Variants in BRD4 observed in about 807,000 individuals in gnomAD.
BRD4 encodes the protein bromodomain-containing protein 4.
A neutral mutation model predicts 142.1 loss-of-function variants in BRD4; 16 were observed. The ratio of observed to expected loss-of-function variants is 0.11; its 90% CI spans 0.08 to 0.17. BRD4 has a LOEUF of 0.17. BRD4 is among the 10% of genes least tolerant of loss of function. BRD4 has a pLI of 1.00. For missense variants in BRD4, 1,424 were observed against 1,810.9 expected, an observed-to-expected ratio of 0.79 and a Z score of 3.88; for synonymous variants, 833 against 707.5, an observed-to-expected ratio of 1.18 and a Z score of -2.82.
In BRD4 at chr19:15,253,454, C is replaced by G. The variant is rs1289598355; in HGVS notation, c.2158+698G>C. ...AGAAGGTGGGCTCTAATGGGGAACC[C>G]AGGGTCCAACGTGCAGACCCACGGG... On this transcript the variant is annotated intron_variant, in intron 11 of 19. Transcript: ENST00000679869. 5.0e-6 allele frequency: 6 copies of G among 1,189,288 alleles called. No individual in the cohort carries two copies. In the South Asian group the frequency reaches 8.3e-5, roughly 17 times the overall value. The allele number at this position is 1,189,288 out of a possible 1,614,324, so 73.7% of individuals were successfully genotyped here.
intron 1 of BRD4, among the ~76,000 whole-genome samples, chr19:15,316,387 C>T (rs1007839386): frequency 9.9e-5 from 15 of 151,836 alleles, no homozygotes; most frequent in Admixed American, 8.5e-4. Flanking sequence ...ATCAGGAGTT[C>T]GAGACCAGCC....
chr19:15,301,419 G>C (rs1345848440), intron 1 of BRD4, among the ~76,000 whole-genome samples: 2 of 151,950 alleles, frequency 1.3e-5, no homozygotes, highest in Admixed American at 6.6e-5. Flanking sequence ...AAATTAGTCG[G>C]GCATGGTGGT....
intron 9 of BRD4, 34 bp downstream of exon 9, chr19:15,256,030 G>A: frequency 6.2e-7 from 1 of 1,608,080 alleles, no homozygotes; most frequent in Non-Finnish European, 8.5e-7. Flanking sequence ...TGGAAGGAGG[G>A]TCCCCACCCA....
chr19:15,280,867 T>C (rs954866517), intron 1 of BRD4, among the ~76,000 whole-genome samples: 1 of 152,372 alleles, frequency 6.6e-6, no homozygotes. Flanking sequence ...GGTAAAAACC[T>C]GGTAATTTCT....
chr19:15,330,158 C>G (rs1380814845), intron 1 of BRD4, among the ~76,000 whole-genome samples: 5 of 152,316 alleles, frequency 3.3e-5, no homozygotes, highest in African/African-American at 1.2e-4. Context: ...GCAAGATACT[C>G]GGAGGTGGAC....
At chr19:15,253,948 C>G (rs1041542598) in intron 11 of BRD4, 1 of 716,884 alleles carries the variant, frequency 1.4e-6, no homozygotes, top group African/African-American at 1.8e-5. Context: ...ACGGCCAGGC[C>G]GAGAGAATGG....
At chr19:15,261,828 TGA>T (rs1328785742) in intron 7 of BRD4, among the ~76,000 whole-genome samples, 1 of 152,120 alleles carries the variant, frequency 6.6e-6, no homozygotes, top group African/African-American at 2.4e-5. Context: ...CTGTCCTACC[TGA>T]GAGGCTCAAT....
intron 11 of BRD4, chr19:15,253,057 G>A (rs746779176): frequency 1.9e-4 from 47 of 242,058 alleles, no homozygotes; most frequent in Non-Finnish European, 3.1e-4. Context: ...GCCCGTGGGA[G>A]AACATGCAGG....
At chr19:15,282,729 C>T (rs553574942) in intron 1 of BRD4, among the ~76,000 whole-genome samples, 2 of 152,322 alleles carry the variant, frequency 1.3e-5, no homozygotes, top group African/African-American at 4.8e-5. Flanking sequence ...TCTCCTTTAC[C>T]TGTCTTCACT....
intron 7 of BRD4, among the ~76,000 whole-genome samples, chr19:15,261,580 TGAA>T (rs754923288): frequency 1.4e-4 from 21 of 152,194 alleles, no homozygotes; most frequent in Non-Finnish European, 2.5e-4. Context: ...ATGTTGTTTG[TGAA>T]GAAGGCACAC....
At chr19:15,261,940 A>G (rs533990049) in intron 7 of BRD4, among the ~76,000 whole-genome samples, 31 of 152,368 alleles carry the variant, frequency 2.0e-4, no homozygotes, top group African/African-American at 7.5e-4. Context: ...AAGCCTGAGC[A>G]TGCATTTAAA....
At chr19:15,329,632 G>C (rs928560324) in intron 1 of BRD4, among the ~76,000 whole-genome samples, 5 of 152,188 alleles carry the variant, frequency 3.3e-5, no homozygotes, top group South Asian at 2.1e-4. Context: ...CCAGCTACTC[G>C]GGAGGCTGAG....
Position 15,270,439 on chromosome 19 carries a change from G to A in BRD4, c.286-1397C>T, listed in dbSNP as rs144936361. 1.1e-4 allele frequency among the ~76,000 whole-genome samples: 17 copies of A among 152,264 alleles called. No homozygotes were observed. The East Asian group carries it at 2.9e-3, about 26-fold the overall frequency. ...GAGGGGAGACTGGAAGCAGACTATC[G>A]GTGCCACTTTCTATGCTCTGACCTC... On this transcript the variant is annotated intron_variant, in intron 2 of 19. Coordinates refer to ENST00000679869, the MANE Select transcript of BRD4 (RefSeq NM_001379291.1).
chr19:15,295,270 C>A (rs1171339083), intron 1 of BRD4, among the ~76,000 whole-genome samples: 1 of 152,196 alleles, frequency 6.6e-6, no homozygotes, highest in Admixed American at 6.5e-5. Context: ...CAGGTTCCCG[C>A]ATCTCTCTCA....
intron 1 of BRD4, among the ~76,000 whole-genome samples, chr19:15,284,205 G>A (rs1249667789): frequency 6.6e-6 from 1 of 152,212 alleles, no homozygotes; most frequent in Non-Finnish European, 1.5e-5. Flanking sequence ...CTTCAGACAA[G>A]AAGACTTTTC....
chr19:15,298,734 A>G (rs1303579198), intron 1 of BRD4, among the ~76,000 whole-genome samples: 2 of 151,612 alleles, frequency 1.3e-5, no homozygotes, highest in Non-Finnish European at 2.9e-5. Context: ...CAGCTTCCCT[A>G]ACACTTTGAA....
In BRD4 at chr19:15,264,276, C is replaced by A. The variant is rs997781088; in HGVS notation, c.1212+128G>T. ...GGGGCGCTGAGTTTCTTCGAGTTGG[C>A]GGGAAAAATCCACGCAGCCACCGTT... On this transcript the variant is annotated intron_variant, in intron 6 of 19. Coordinates refer to ENST00000679869, the MANE Select transcript of BRD4 (RefSeq NM_001379291.1). The A allele has an allele frequency of 6.0e-6, 8 of 1,323,410 alleles. No homozygotes were observed. The African/African-American group carries it at 1.2e-4, about 20-fold the overall frequency. 82.0% of individuals were successfully genotyped at this position (1,323,410 alleles called of 1,614,324 possible).
At chr19:15,240,084 T>A (rs909305059) in intron 14 of BRD4, 62 bp from the exon 15 acceptor site, 3 of 1,541,378 alleles carry the variant, frequency 1.9e-6, no homozygotes, top group Non-Finnish European at 1.7e-6. Flanking sequence ...CCTGAGAGAA[T>A]TGTCGGGAAG....
chr19:15,295,100 T>C (rs975534526), intron 1 of BRD4, among the ~76,000 whole-genome samples: 3 of 152,346 alleles, frequency 2.0e-5, no homozygotes, highest in Admixed American at 1.3e-4. Context: ...ATTGTTGAAG[T>C]TGAACCTCTG....
Sources: allele counts gnomAD v4.1 joint callset (sites outside exome capture counted in the v4.1 genomes callset), GRCh38; gene constraint gnomAD v4.1.1; transcripts MANE v1.5; gene names NCBI Gene and HGNC (gene_info 2026-07-23, HGNC 2026-07-21).